The following NIPBL variants were observed in gnomAD, a reference collection of about 807,000 sequenced individuals.
The protein encoded by NIPBL is NIPBL cohesin loading factor, also known as nipped-B-like protein.
A neutral mutation model predicts 321.8 loss-of-function variants in NIPBL; 19 were observed. The observed-to-expected ratio is 0.06, with a 90% CI of 0.04 to 0.09. The LOEUF is 0.09. Ranked by LOEUF, NIPBL falls within the 10% of genes least tolerant of loss-of-function variation. The probability of loss-of-function intolerance (pLI) is 1.00; values close to 1 mark genes in which losing one functional copy is unlikely to be tolerated. For synonymous variants in NIPBL, 1,106 were observed against 1,114.1 expected (o/e 0.99, Z 0.14); for missense variants, 2,210 against 3,327.0 (o/e 0.66, Z 8.26).
intron 32 of NIPBL, among the ~76,000 whole-genome samples, chr5:37,029,456 TATC>T (rs1448242827): frequency 6.6e-6 from 1 of 152,238 alleles, no homozygotes; most frequent in East Asian, 1.9e-4. Context: ...ATAATTTCTT[TATC>T]ATTCACCATT....
At chr5:36,953,872 G>C (rs1740661971) in intron 2 of NIPBL, 112 bp downstream of exon 2, 1 of 947,612 alleles carries the variant, frequency 1.1e-6, no homozygotes, top group Admixed American at 1.9e-5. Context: ...TACAGAAATA[G>C]CAACTGAAAC....
intron 1 of NIPBL, among the ~76,000 whole-genome samples, chr5:36,923,890 G>C (rs1384007182): frequency 6.6e-6 from 1 of 152,170 alleles, no homozygotes; most frequent in Admixed American, 6.5e-5. Context: ...AATGGATAGA[G>C]CAAGATGCAC....
chr5:37,064,291 A>AT, intron 46 of NIPBL: 1 of 1,384,572 alleles, frequency 7.2e-7, no homozygotes, highest in Non-Finnish European at 9.4e-7. Flanking sequence ...TGTATATATA[A>AT]TTTTATATAT....
chr5:36,995,352 A>G (rs757439085), intron 10 of NIPBL: 3 of 289,908 alleles, frequency 1.0e-5, no homozygotes, highest in Non-Finnish European at 1.3e-5. Context: ...TGAAGGCATT[A>G]TATCAAAAAT....
intron 32 of NIPBL, among the ~76,000 whole-genome samples, chr5:37,035,599 A>G (rs771975716): frequency 1.3e-5 from 2 of 152,220 alleles, no homozygotes; most frequent in Admixed American, 6.5e-5. Context: ...CACAGTAGGT[A>G]CATTGCAAGT....
At chr5:36,938,399 T>C (rs1738692796) in intron 1 of NIPBL, among the ~76,000 whole-genome samples, 1 of 151,220 alleles carries the variant, frequency 6.6e-6, no homozygotes, top group African/African-American at 2.4e-5. Context: ...GAGGAAAGAG[T>C]GTGATTATTT....
chr5:37,045,181 G>A (rs1040638267), intron 36 of NIPBL, among the ~76,000 whole-genome samples: 4 of 151,814 alleles, frequency 2.6e-5, no homozygotes, highest in Non-Finnish European at 4.4e-5. Flanking sequence ...GTGAAACCCC[G>A]TCTCTCTACT....
At chr5:36,960,669 A>T (rs1390335445) in intron 4 of NIPBL, among the ~76,000 whole-genome samples, 1 of 152,198 alleles carries the variant, frequency 6.6e-6, no homozygotes, top group Non-Finnish European at 1.5e-5. Context: ...ATACAATTTG[A>T]TGCTTGCAGC....
At position 37,014,702 on chromosome 5, in the gene NIPBL, T is replaced by C. The variant is rs1206929122; in HGVS notation, c.4580T>C (p.Ile1527Thr). ...SNKKIDQDVV[I>T]TNSYETAMRT... The stretch of plus-strand genomic sequence containing the variant: ...TTCTAGATTGACCAGGATGTTGTCA[T>C]TACTAACTCTTATGAAACAGCTATG... Residue 1527 changes from isoleucine (I) to threonine (T), a missense_variant, in exon 22 of 47, where the codon ATT becomes ACT. Around this residue, in one of 14 missense-constraint regions of NIPBL, gnomAD observed 381 missense variants for 642.3 expected, o/e 0.59. Transcript: ENST00000282516. 6.2e-7 allele frequency: 1 copy of C among 1,607,414 alleles called. No individual in the cohort carries two copies. Among genetic ancestry groups the C allele is most frequent in the Non-Finnish European group, 8.5e-7 (1 of 1,174,014 alleles).
chr5:36,986,083 A>T lies in NIPBL; in HGVS notation c.2903A>T (p.Asn968Ile), dbSNP rs180747605. 3 of 1,613,894 alleles carry T rather than the reference A, an allele frequency of 1.9e-6. No individual in the cohort carries two copies. Among genetic ancestry groups the T allele is most frequent in the South Asian group, 2.2e-5 (2 of 91,086 alleles). The part of the protein sequence containing the change: ...IPKIKRDKDG[N>I]VTQETKKMEM... ...AAAATCAAGAGGGATAAAGATGGCA[A>T]TGTTACTCAGGAGACAAAGAAAATG... Residue 968 changes from asparagine to isoleucine, a missense_variant, in exon 10 of 47, where the codon AAT becomes ATT. Transcript: ENST00000282516.
intron 42 of NIPBL, among the ~76,000 whole-genome samples, chr5:37,054,319 G>A (rs1753874897): frequency 1.3e-5 from 2 of 151,840 alleles, no homozygotes; most frequent in Non-Finnish European, 2.9e-5. Context: ...ACCTCTTCAA[G>A]TACTACATGA....
At chr5:36,885,477 C>T in intron 1 of NIPBL, 1 of 489,926 alleles carries the variant, frequency 2.0e-6, no homozygotes, top group Non-Finnish European at 4.0e-6. Flanking sequence ...AACCACCTGG[C>T]CTCCTACCTG....
intron 21 of NIPBL, among the ~76,000 whole-genome samples, chr5:37,013,456 C>G (rs1383467847): frequency 2.0e-5 from 3 of 146,962 alleles, no homozygotes; most frequent in African/African-American, 7.6e-5. Context: ...TCAGACGGGG[C>G]GGCTGCCGGG....
intron 9 of NIPBL, among the ~76,000 whole-genome samples, chr5:36,980,032 T>A (rs1168233753): frequency 6.6e-6 from 1 of 151,692 alleles, no homozygotes; most frequent in Non-Finnish European, 1.5e-5. Context: ...ACCTTTTTTT[T>A]ATGTATCATG....
chr5:36,891,156 T>C (rs148022809), intron 1 of NIPBL, among the ~76,000 whole-genome samples: 3,039 of 151,928 alleles, frequency 0.02, 85 homozygotes, highest in African/African-American at 0.063. Flanking sequence ...TTCCAGCTGC[T>C]TGGGAGGCTG....
intron 6 of NIPBL, 107 bp downstream of exon 6, chr5:36,962,381 G>C: frequency 8.9e-7 from 1 of 1,124,332 alleles, no homozygotes; most frequent in South Asian, 1.3e-5. Flanking sequence ...ATACTATACT[G>C]TATACTTGTC....
chr5:36,941,340 C>T (rs937105737), intron 1 of NIPBL, among the ~76,000 whole-genome samples: 2 of 151,886 alleles, frequency 1.3e-5, no homozygotes, highest in Non-Finnish European at 2.9e-5. Context: ...CTATACCCCC[C>T]AATTTTACTT....
intron 34 of NIPBL, among the ~76,000 whole-genome samples, chr5:37,043,390 T>C (rs1324329378): frequency 6.6e-6 from 1 of 151,874 alleles, no homozygotes. Flanking sequence ...TAGCCAGGCA[T>C]GGTGGTGGGC....
At chr5:36,883,873 A>G (rs1056682984) in intron 1 of NIPBL, among the ~76,000 whole-genome samples, 2 of 151,658 alleles carry the variant, frequency 1.3e-5, no homozygotes, top group Non-Finnish European at 2.9e-5. Context: ...TAAGTTGGGC[A>G]TAACTCCATT....
Sources: allele counts gnomAD v4.1 joint callset (sites outside exome capture counted in the v4.1 genomes callset), GRCh38; gene constraint gnomAD v4.1.1; regional missense constraint gnomAD v4.1.1; transcripts MANE v1.5; gene names NCBI Gene and HGNC (gene_info 2026-07-23, HGNC 2026-07-21).